Variants in MYO5A observed in about 807,000 individuals in gnomAD.
The protein encoded by MYO5A is myosin VA.
A neutral mutation model predicts 249.7 loss-of-function variants in MYO5A; 98 were observed. The ratio of observed to expected loss-of-function variants is 0.39; its 90% CI spans 0.33 to 0.46. The LOEUF is 0.46. Among genes scored for constraint, MYO5A ranks in the 20% least tolerant of loss-of-function variants. The probability of loss-of-function intolerance (pLI) is 0.98; values close to 1 mark genes in which losing one functional copy is unlikely to be tolerated. For missense variants in MYO5A, 1,696 were observed against 2,308.8 expected (o/e 0.73, Z 5.44); for synonymous variants, 778 against 810.6 (o/e 0.96, Z 0.68).
intron 1 of MYO5A, among the ~76,000 whole-genome samples, chr15:52,507,269 G>A (rs1393239460): frequency 6.6e-6 from 1 of 152,132 alleles, no homozygotes; most frequent in Non-Finnish European, 1.5e-5. Context: ...ATTACAACTG[G>A]GTGCAGTACC....
chr15:52,473,002 C>T (rs2076509378), intron 1 of MYO5A, among the ~76,000 whole-genome samples: 1 of 152,190 alleles, frequency 6.6e-6, no homozygotes, highest in Admixed American at 6.5e-5. Context: ...AGTTTATAGT[C>T]CCACCAGCAG....
chr15:52,354,855 C>CAA lies in MYO5A; in HGVS notation c.3424-843_3424-842dup, dbSNP rs568281513. Among the ~76,000 whole-genome samples, 20 of 87,990 alleles carry CAA rather than the reference C, an allele frequency of 2.3e-4. 1 individual carries two copies. The highest frequency in any genetic ancestry group is 3.4e-4 in the South Asian group (1 of 2,914). 57.7% of individuals were successfully genotyped at this position (87,990 alleles called of 152,430 possible). ...GGCAGCAGAGTGAGACTCCATCTCA[C>CAA]AAAAAAAAAAAAAAAGAATGAAGTA... On this transcript the variant is annotated intron_variant, in intron 25 of 41. Transcript: ENST00000399233.
chr15:52,388,012 C>T (rs1333400305), intron 13 of MYO5A, 100 bp from the exon 14 acceptor site: 6 of 857,566 alleles, frequency 7.0e-6, no homozygotes, highest in East Asian at 5.3e-5. Context: ...GCTATACGAT[C>T]AACTCTCAGC....
chr15:52,353,494 TCTGGTG>T, intron 27 of MYO5A, 105 bp downstream of exon 27: 1 of 890,794 alleles, frequency 1.1e-6, no homozygotes, highest in Non-Finnish European at 1.9e-6. Context: ...AGCTAGGACC[TCTGGTG>T]CAATCTCCAA....
chr15:52,485,888 A>G (rs1484412168), intron 1 of MYO5A, among the ~76,000 whole-genome samples: 1 of 152,242 alleles, frequency 6.6e-6, no homozygotes, highest in African/African-American at 2.4e-5. Context: ...AAAACACTAT[A>G]GTAAATCCTT....
intron 1 of MYO5A, among the ~76,000 whole-genome samples, chr15:52,519,108 A>G (rs1000437921): frequency 6.6e-6 from 1 of 152,218 alleles, no homozygotes; most frequent in African/African-American, 2.4e-5. Context: ...AGACATGAAC[A>G]AGGAATGACG....
chr15:52,475,719 G>C (rs981996395), intron 1 of MYO5A, among the ~76,000 whole-genome samples: 15 of 152,156 alleles, frequency 9.9e-5, no homozygotes, highest in African/African-American at 3.6e-4. Flanking sequence ...TCTTAATCCT[G>C]AGTTCTAGTT....
chr15:52,319,402 A>C, intron 38 of MYO5A, 60 bp from the exon 39 acceptor site: 1 of 1,552,834 alleles, frequency 6.4e-7, no homozygotes, highest in Non-Finnish European at 8.9e-7. Flanking sequence ...TCATGTGCAC[A>C]TATCCATGTG....
chr15:52,448,202 C>T (rs574981174), intron 1 of MYO5A, among the ~76,000 whole-genome samples: 1 of 152,364 alleles, frequency 6.6e-6, no homozygotes, highest in Non-Finnish European at 1.5e-5. Flanking sequence ...TGTGGGCCCA[C>T]TCCTTGCATC....
At chr15:52,366,227 G>T (rs931276063) in intron 23 of MYO5A, among the ~76,000 whole-genome samples, 1 of 151,972 alleles carries the variant, frequency 6.6e-6, no homozygotes, top group African/African-American at 2.4e-5. Context: ...TCATTAATTT[G>T]CCTCATAAAT....
chr15:52,346,674 A>C, intron 29 of MYO5A: 1 of 645,526 alleles, frequency 1.5e-6, no homozygotes, highest in Non-Finnish European at 2.9e-6. Flanking sequence ...CCTGAGAAAC[A>C]CTAGCACTCT....
chr15:52,388,017 C>T, intron 13 of MYO5A, 105 bp from the exon 14 acceptor site: 1 of 824,722 alleles, frequency 1.2e-6, no homozygotes, highest in Non-Finnish European at 2.0e-6. Context: ...ACGATCAACT[C>T]TCAGCAAACT....
At chr15:52,389,410 G>T in intron 12 of MYO5A, 47 bp from the exon 13 acceptor site, 2 of 1,572,004 alleles carry the variant, frequency 1.3e-6, no homozygotes, top group South Asian at 2.3e-5. Flanking sequence ...TAAATACTGT[G>T]ATTCCTCTAA....
In MYO5A at chr15:52,384,440, CAGAA is replaced by C. The variant is rs1196456948; in HGVS notation, c.1753-122_1753-119del. 3.0e-6 allele frequency: 3 copies of C among 1,009,530 alleles called. 1 individual carries two copies. The South Asian group carries it at 4.1e-5, about 14-fold the overall frequency. The allele number at this position is 1,009,530 out of a possible 1,614,324, so 62.5% of individuals were successfully genotyped here. A position where few individuals can be genotyped will look rare whatever the true frequency, so the allele number is the denominator to read the frequency against. On this transcript the variant is annotated intron_variant, in intron 14 of 41. Coordinates refer to ENST00000399233, the MANE Select transcript of MYO5A (RefSeq NM_001382347.1). ...AGTAATCACTGTCAGAGTCACACTC[CAGAA>C]AGAGTCAGTATCTGTGCTAAGAGCC...
rs997783472 is a variant in MYO5A at position 52,314,773 on chromosome 15, A to G, written c.5410-570T>C. ...AGAGAGTATGAAGTTCTTTTTTAAA[A>G]AGTTCAATAATTTTTTTTTGTAAAA... On this transcript the variant is annotated intron_variant, in intron 40 of 41. Coordinates refer to ENST00000399233, the MANE Select transcript of MYO5A (RefSeq NM_001382347.1). Among the ~76,000 whole-genome samples the G allele has an allele frequency of 5.3e-5, 8 of 152,294 alleles. No homozygotes were observed. The East Asian group carries it at 1.5e-3, about 29-fold the overall frequency.
At chr15:52,340,528 G>A (rs1029483157) in intron 31 of MYO5A, 134 bp from the exon 32 acceptor site, 2 of 770,450 alleles carry the variant, frequency 2.6e-6, no homozygotes, top group East Asian at 2.7e-5. Flanking sequence ...CTTCTGACTT[G>A]ATTAAAGTCA....
rs560357428 is a variant in MYO5A at position 52,459,271 on chromosome 15, A to G, written c.28-25986T>C. On this transcript the variant is annotated intron_variant, in intron 1 of 41. Transcript: ENST00000399233. Reference sequence around the variant, plus strand: ...GGAAGGTCAGCAGATAAACATGTGAACAAAGGTCTCTGGTTTTCCTAGGCA... The same window carrying G: ...GGAAGGTCAGCAGATAAACATGTGAGCAAAGGTCTCTGGTTTTCCTAGGCA... Among the ~76,000 whole-genome samples, 11 of 150,834 alleles carry G rather than the reference A, an allele frequency of 7.3e-5. 1 individual carries two copies. In the South Asian group the frequency reaches 2.3e-3, roughly 32 times the overall value.
intron 1 of MYO5A, among the ~76,000 whole-genome samples, chr15:52,438,548 TG>T (rs964932144): frequency 4.6e-5 from 7 of 152,192 alleles, no homozygotes; most frequent in African/African-American, 1.7e-4. Flanking sequence ...TAAGCCTAGC[TG>T]GGAAGGTGAC....
intron 1 of MYO5A, among the ~76,000 whole-genome samples, chr15:52,450,665 CAAAAAA>C (rs543453662): frequency 5.2e-5 from 5 of 96,978 alleles, no homozygotes; most frequent in Non-Finnish European, 1.1e-4. Context: ...GAACTTGTCT[CAAAAAA>C]AAAAAAAAAA....
Sources: gnomAD v4.1 joint callset for allele counts (sites outside exome capture counted in the v4.1 genomes callset) on GRCh38, gnomAD v4.1.1 for gene constraint, MANE v1.5 for transcripts, NCBI Gene and HGNC (gene_info 2026-07-23, HGNC 2026-07-21) for gene names.